Variants in CD200 observed in about 807,000 individuals in gnomAD.
The protein encoded by CD200 is CD200 molecule.
A neutral mutation model predicts 30.9 loss-of-function variants in CD200; 15 were observed. That is an observed-to-expected ratio of 0.49 (90% CI 0.32 to 0.75). The LOEUF (loss-of-function observed/expected upper bound fraction) is 0.75, where lower values mean the gene tolerates loss of function less well. Among genes scored for constraint, CD200 ranks in the 30% least tolerant of loss-of-function variants. The pLI is 0.03. For missense variants in CD200, 262 were observed against 324.2 expected (o/e 0.81, Z 1.47); for synonymous variants, 134 against 126.2 (o/e 1.06, Z -0.41).
intron 2 of CD200, among the ~76,000 whole-genome samples, chr3:112,341,277 A>G (rs2108433793): frequency 6.6e-6 from 1 of 152,344 alleles, no homozygotes; most frequent in Non-Finnish European, 1.5e-5. Context: ...AATTACAAAT[A>G]ATGATTTCCT....
upstream of CD200, chr3:112,332,977 G>A: frequency 1.7e-6 from 1 of 594,894 alleles, no homozygotes; most frequent in Non-Finnish European, 2.9e-6. Context: ...CCTTTGAAAA[G>A]GGAAAAATGT....
intron 4 of CD200, among the ~76,000 whole-genome samples, chr3:112,348,760 G>A (rs1314779264): frequency 1.3e-5 from 2 of 152,106 alleles, no homozygotes; most frequent in Admixed American, 1.3e-4. Context: ...GGATATTTAG[G>A]TAAATTTGGT....
Position 112,341,747 on chromosome 3 carries a change from G to GA in CD200, c.94+774dup, listed in dbSNP as rs796274600. On this transcript the variant is annotated intron_variant, in intron 2 of 5. Coordinates refer to ENST00000315711, the MANE Select transcript of CD200 (RefSeq NM_005944.7). ...AAATGATTTCTTCCATAGTCAAAAAGAAAAAAAAAACTCATCTAAGAGTTG... is the reference window on the plus strand; with the variant it reads ...AAATGATTTCTTCCATAGTCAAAAAGAAAAAAAAAAACTCATCTAAGAGTTG... Among the ~76,000 whole-genome samples the GA allele has an allele frequency of 2.6e-3, 382 of 147,662 alleles. 2 individuals are homozygous for GA. The highest frequency in any genetic ancestry group is 0.019 in the East Asian group (99 of 5,098).
intron 1 of CD200, among the ~76,000 whole-genome samples, chr3:112,340,054 A>G (rs1431771349): frequency 1.3e-5 from 2 of 152,252 alleles, no homozygotes; most frequent in African/African-American, 4.8e-5. Flanking sequence ...TGGAATAGTA[A>G]CATGAAATAA....
At chr3:112,351,311 C>T (rs2081527205) in intron 5 of CD200, among the ~76,000 whole-genome samples, 1 of 152,174 alleles carries the variant, frequency 6.6e-6, no homozygotes, top group South Asian at 2.1e-4. Context: ...TGCTTACTGT[C>T]TATGCCCTTT....
At chr3:112,344,854 CTCTT>C (rs1180306962) in intron 2 of CD200, 104 bp from the exon 3 acceptor site, 1 of 862,994 alleles carries the variant, frequency 1.2e-6, no homozygotes, top group Non-Finnish European at 1.8e-6. Flanking sequence ...TTTGCATTTT[CTCTT>C]TCTTTTCTAT....
At position 112,340,920 on chromosome 3, in the gene CD200, T is replaced by C. The variant is rs1410499967; in HGVS notation, c.31T>C (p.Ser11Pro). 1.2e-6 allele frequency: 2 copies of C among 1,608,526 alleles called. No homozygotes were observed. Among genetic ancestry groups the C allele is most frequent in the Non-Finnish European group, 1.7e-6 (2 of 1,175,128 alleles). The change falls in exon 2 of 6, where the codon TCT (serine) becomes CCT (proline). Residue 11 changes from serine (S) to proline (P), a missense_variant. Physicochemically the swap from Ser to Pro is moderately conservative, Grantham distance 74 (BLOSUM62 -1). Transcript: ENST00000315711. ...TCTTCAGGTGATCAGGATGCCCTTC[T>C]CTCATCTGTCTACCTACAGCCTGGT... MERLVIRMPF[S>P]HLSTYSLVWV...
At chr3:112,346,791 A>T (rs2081405775) in intron 3 of CD200, among the ~76,000 whole-genome samples, 1 of 152,196 alleles carries the variant, frequency 6.6e-6, no homozygotes, top group East Asian at 1.9e-4. Context: ...AGAAAAGAAA[A>T]ATTCTATATT....
At chr3:112,337,330 C>T (rs573144804) in intron 1 of CD200, among the ~76,000 whole-genome samples, 1 of 152,232 alleles carries the variant, frequency 6.6e-6, no homozygotes, top group African/African-American at 2.4e-5. Context: ...TGACTGTAAT[C>T]AGGCTCATAA....
intron 5 of CD200, among the ~76,000 whole-genome samples, chr3:112,350,244 G>A (rs994257772): frequency 9.2e-5 from 14 of 152,116 alleles, no homozygotes; most frequent in Admixed American, 2.0e-4. Context: ...ATACTCCCAC[G>A]ATGCCTCAAA....
chr3:112,355,130 C>T (rs1210366021), intron 5 of CD200, among the ~76,000 whole-genome samples: 1 of 152,136 alleles, frequency 6.6e-6, no homozygotes, highest in Non-Finnish European at 1.5e-5. Flanking sequence ...ATCACAAATG[C>T]TAAGAGGGTG....
At chr3:112,342,411 T>TC (rs2081286199) in intron 2 of CD200, among the ~76,000 whole-genome samples, 3 of 77,786 alleles carry the variant, frequency 3.9e-5, no homozygotes, top group Non-Finnish European at 7.9e-5. Context: ...CTTTCTTTCT[T>TC]TCTTTCTTTC....
intron 2 of CD200, 65 bp downstream of exon 2, chr3:112,341,048 G>T: frequency 9.6e-7 from 1 of 1,046,194 alleles, no homozygotes; most frequent in Non-Finnish European, 1.5e-6. Flanking sequence ...AAGACATTTA[G>T]CCAGTATTGT....
chr3:112,347,057 G>T (rs1209064233), intron 3 of CD200, among the ~76,000 whole-genome samples: 3 of 152,202 alleles, frequency 2.0e-5, no homozygotes, highest in Non-Finnish European at 2.9e-5. Context: ...GCTCCAAGAA[G>T]AAAATGGCTA....
At chr3:112,348,568 C>G (rs2081457822) in intron 4 of CD200, among the ~76,000 whole-genome samples, 1 of 152,204 alleles carries the variant, frequency 6.6e-6, no homozygotes. Context: ...ATAGCCACGT[C>G]TTTTCTCTGT....
At chr3:112,336,093 A>G in intron 1 of CD200, 4 of 959,984 alleles carry the variant, frequency 4.2e-6, no homozygotes, top group Admixed American at 3.5e-5. Context: ...AGCTTATTAT[A>G]TAAGATTAAT....
At chr3:112,332,870 C>G (rs2081027250), upstream of CD200, 1 of 327,406 alleles carries the variant, frequency 3.1e-6, no homozygotes, top group Non-Finnish European at 5.7e-6. Context: ...TCCACAACCT[C>G]CCACCTCATT....
chr3:112,361,449 G>A, intron 5 of CD200, 94 bp from the exon 6 acceptor site: 1 of 1,010,486 alleles, frequency 9.9e-7, no homozygotes, highest in Non-Finnish European at 1.6e-6. Context: ...ATAACTCTGT[G>A]TTTCTTAATC....
chr3:112,339,858 T>C (rs2081198651), intron 1 of CD200, among the ~76,000 whole-genome samples: 1 of 152,192 alleles, frequency 6.6e-6, no homozygotes, highest in Non-Finnish European at 1.5e-5. Flanking sequence ...TTTTAGCCAA[T>C]GCTAGCATAA....
Sources: allele counts gnomAD v4.1 joint callset (sites outside exome capture counted in the v4.1 genomes callset), GRCh38; gene constraint gnomAD v4.1.1; transcripts MANE v1.5; gene names NCBI Gene and HGNC (gene_info 2026-07-23, HGNC 2026-07-21).